Variants in OCA2 observed in about 807,000 individuals in gnomAD.
OCA2 encodes P protein.
OCA2 carries 77 observed loss-of-function variants against 100.2 expected under a neutral mutation model. The observed-to-expected ratio is 0.77, with a 90% CI of 0.64 to 0.93. The LOEUF (loss-of-function observed/expected upper bound fraction) is 0.93, where lower values mean the gene tolerates loss of function less well. Among genes scored for constraint, OCA2 ranks in the 40% least tolerant of loss-of-function variants. The pLI, the probability that OCA2 is intolerant of heterozygous loss-of-function variation, is 0.00. For missense variants in OCA2, 1,062 were observed against 1,089.1 expected (o/e 0.98, Z 0.35); for synonymous variants, 432 against 439.2 (o/e 0.98, Z 0.21).
the OCA2 span, among the ~76,000 whole-genome samples, chr15:27,723,534 C>T: frequency 6.6e-6 from 1 of 151,964 alleles, no homozygotes; most frequent in Non-Finnish European, 1.5e-5. Flanking sequence ...CCACCACCAC[C>T]AAGAAGGCAG....
intron 23 of OCA2, among the ~76,000 whole-genome samples, chr15:27,816,074 C>T (rs185347273): frequency 8.7e-4 from 133 of 152,222 alleles, no homozygotes; most frequent in African/African-American, 3.0e-3. Context: ...GCGGAGGTTG[C>T]GGGGAACCGA....
chr15:27,815,129 G>A (rs1266003732), intron 23 of OCA2, among the ~76,000 whole-genome samples: 3 of 152,166 alleles, frequency 2.0e-5, no homozygotes, highest in Non-Finnish European at 4.4e-5. Context: ...ATAACAGAAA[G>A]TAAGATAAGA....
chr15:28,080,492 C>T (rs1397453888), intron 2 of OCA2, among the ~76,000 whole-genome samples: 2 of 152,220 alleles, frequency 1.3e-5, no homozygotes, highest in Admixed American at 1.3e-4. Flanking sequence ...AAACACATTG[C>T]CAAAGAGAGC....
At chr15:28,022,959 T>G (rs2042641112) in intron 5 of OCA2, among the ~76,000 whole-genome samples, 1 of 152,222 alleles carries the variant, frequency 6.6e-6, no homozygotes, top group South Asian at 2.1e-4. Context: ...CATCAAAAAG[T>G]AAATTAAACT....
intron 5 of OCA2, among the ~76,000 whole-genome samples, chr15:28,023,426 G>A (rs1050612257): frequency 2.6e-5 from 4 of 152,134 alleles, no homozygotes; most frequent in African/African-American, 9.7e-5. Context: ...AGCTGAGAGC[G>A]GACCCAGGGC....
At chr15:27,929,948 C>G (rs2039187033) in intron 18 of OCA2, among the ~76,000 whole-genome samples, 1 of 152,048 alleles carries the variant, frequency 6.6e-6, no homozygotes. Context: ...ATTTCACTAT[C>G]TACCTTAGAA....
intron 23 of OCA2, among the ~76,000 whole-genome samples, chr15:27,825,448 G>A (rs933619999): frequency 1.3e-5 from 2 of 152,208 alleles, no homozygotes; most frequent in East Asian, 3.9e-4. Flanking sequence ...CTTCAGGACT[G>A]AGGAGCACTG....
chr15:28,006,340 G>A (rs971329046), intron 9 of OCA2, among the ~76,000 whole-genome samples: 1 of 152,182 alleles, frequency 6.6e-6, no homozygotes, highest in African/African-American at 2.4e-5. Context: ...AACAGCCAAG[G>A]GCATGCGAAA....
intron 19 of OCA2, among the ~76,000 whole-genome samples, chr15:27,893,928 T>G (rs2037575087): frequency 6.6e-6 from 1 of 152,180 alleles, no homozygotes; most frequent in Non-Finnish European, 1.5e-5. Flanking sequence ...AGACCCTTAT[T>G]AGTGGTTCTG....
At chr15:27,988,325 A>G (rs890993671) in intron 11 of OCA2, among the ~76,000 whole-genome samples, 2 of 151,768 alleles carry the variant, frequency 1.3e-5, no homozygotes, top group African/African-American at 4.8e-5. Context: ...GTGTCCCCCA[A>G]AATTCATATG....
At chr15:27,928,426 A>C (rs1177277882) in intron 18 of OCA2, among the ~76,000 whole-genome samples, 1 of 152,224 alleles carries the variant, frequency 6.6e-6, no homozygotes, top group Non-Finnish European at 1.5e-5. Context: ...AGATATAAAA[A>C]GGTGTACTAG....
At chr15:28,027,235 TC>T (rs2141341588) in intron 4 of OCA2, among the ~76,000 whole-genome samples, 1 of 152,230 alleles carries the variant, frequency 6.6e-6, no homozygotes, top group East Asian at 1.9e-4. Flanking sequence ...GCATGCGTAC[TC>T]CCACTCCCAC....
chr15:28,028,121 T>A (rs2042811197), intron 3 of OCA2, 62 bp from the exon 4 acceptor site: 1 of 1,578,650 alleles, frequency 6.3e-7, no homozygotes, highest in Non-Finnish European at 8.7e-7. Context: ...AAGCAAGCTT[T>A]CCTCTGAGTT....
intron 1 of OCA2, among the ~76,000 whole-genome samples, chr15:28,094,644 C>T (rs115656956): frequency 0.011 from 1,653 of 152,386 alleles, 35 homozygotes; most frequent in African/African-American, 0.038. Context: ...GTGTGGGCTA[C>T]TGCCGGCCCT....
At chr15:27,975,185 T>G (rs1209013987) in intron 14 of OCA2, among the ~76,000 whole-genome samples, 1 of 152,208 alleles carries the variant, frequency 6.6e-6, no homozygotes, top group Non-Finnish European at 1.5e-5. Flanking sequence ...TCAGATTGTG[T>G]GTAAGAAATA....
chr15:27,847,931 C>T (rs962008387), intron 22 of OCA2, among the ~76,000 whole-genome samples: 1 of 152,208 alleles, frequency 6.6e-6, no homozygotes, highest in Non-Finnish European at 1.5e-5. Flanking sequence ...TCAGGACCTG[C>T]TCCCTGCACC....
intron 23 of OCA2, among the ~76,000 whole-genome samples, chr15:27,760,168 G>A (rs1045062383): frequency 6.6e-5 from 10 of 151,894 alleles, no homozygotes; most frequent in Non-Finnish European, 1.3e-4. Flanking sequence ...CCAAGAGATT[G>A]TCACAAGGAA....
chr15:27,901,999 A>G (rs1262413074), intron 19 of OCA2, among the ~76,000 whole-genome samples: 1 of 152,152 alleles, frequency 6.6e-6, no homozygotes. Context: ...GGAGGGGGAG[A>G]GCACTCAACT....
At chr15:27,827,941 C>A (rs959323628) in intron 23 of OCA2, among the ~76,000 whole-genome samples, 1 of 152,162 alleles carries the variant, frequency 6.6e-6, no homozygotes, top group South Asian at 2.1e-4. Flanking sequence ...CTGGATAAGA[C>A]GATCTATAGC....
Sources: allele counts gnomAD v4.1 joint callset (sites outside exome capture counted in the v4.1 genomes callset), GRCh38; gene constraint gnomAD v4.1.1; transcripts MANE v1.5; gene names NCBI Gene and HGNC (gene_info 2026-07-23, HGNC 2026-07-21).